Variants in KCNE1 observed in about 807,000 individuals in gnomAD.
KCNE1 encodes potassium voltage-gated channel subfamily E member 1.
Under a neutral mutation model 2.9 loss-of-function variants are expected in KCNE1, and 1 was observed. The observed-to-expected ratio is 0.34, with a 90% CI of 0.12 to 1.62. The LOEUF is 1.62. Ranked by LOEUF, KCNE1 falls within the 40% of genes most tolerant of loss-of-function variation. KCNE1 has a pLI of 0.36. For synonymous variants in KCNE1, 23 were observed against 65.4 expected (o/e 0.35, Z 3.13); for missense variants, 45 against 150.5 (o/e 0.30, Z 3.67).
intron 2 of KCNE1, among the ~76,000 whole-genome samples, chr21:34,508,065 G>A (rs907835308): frequency 2.0e-5 from 3 of 151,722 alleles, no homozygotes; most frequent in Non-Finnish European, 4.4e-5. Flanking sequence ...CTTGCTCTGT[G>A]GTCCACGCTG....
In KCNE1 at chr21:34,501,004, G is replaced by A. The variant is rs538191285; in HGVS notation, c.-162+10097C>T. 5.9e-5 allele frequency among the ~76,000 whole-genome samples: 9 copies of A among 152,318 alleles called. No individual in the cohort carries two copies. In the East Asian group the frequency reaches 1.7e-3, roughly 29 times the overall value. On this transcript the variant is annotated intron_variant, in intron 2 of 3. Coordinates refer to ENST00000399286, the MANE Select transcript of KCNE1 (RefSeq NM_000219.6). ...AGGAAGGTAAGACCTTTGGGGACAA[G>A]ACTCAAGACTCAGCCACTTTTGTCC...
chr21:34,511,037 G>C, intron 2 of KCNE1, 64 bp downstream of exon 2: 1 of 542,370 alleles, frequency 1.8e-6, no homozygotes, highest in Non-Finnish European at 2.4e-6. Flanking sequence ...GTCAGGGTGG[G>C]CATGAGGGTG....
At chr21:34,510,991 C>T (rs942861689) in intron 2 of KCNE1, 110 bp downstream of exon 2, 1 of 254,546 alleles carries the variant, frequency 3.9e-6, no homozygotes, top group African/African-American at 2.3e-5. Flanking sequence ...CAGCCTGGCA[C>T]CTGTCAATGG....
intron 2 of KCNE1, among the ~76,000 whole-genome samples, chr21:34,502,164 T>G (rs1601099469): frequency 1.3e-5 from 2 of 152,308 alleles, no homozygotes; most frequent in South Asian, 4.1e-4. Flanking sequence ...CAATCAACAT[T>G]AGCATCACCT....
At chr21:34,504,131 C>T (rs1420163933) in intron 2 of KCNE1, among the ~76,000 whole-genome samples, 1 of 152,194 alleles carries the variant, frequency 6.6e-6, no homozygotes, top group Admixed American at 6.5e-5. Context: ...TCAATGGGCA[C>T]AGGGCCTTCG....
In KCNE1 at chr21:34,448,659, CAGAGATCAGA is replaced by C. The variant is rs1980856190; in HGVS notation, c.*576_*585del. 2.5e-5 allele frequency: 1 copy of C among 39,574 alleles called. No individual in the cohort carries two copies. The highest frequency in any genetic ancestry group is 9.7e-5 in the African/African-American group (1 of 10,330). 2.5% of individuals were successfully genotyped at this position (39,574 alleles called of 1,614,324 possible). A position where few individuals can be genotyped will look rare whatever the true frequency, so the allele number is the denominator to read the frequency against. ...AAGGGCATTGATTCTGCGACCTTAA[CAGAGATCAGA>C]ATAACAGTGGCTTAAGGAAGAGTGG... On this transcript the variant is annotated 3_prime_UTR_variant, in exon 4 of 4. Transcript: ENST00000399286.
chr21:34,506,225 G>A (rs890482222), intron 2 of KCNE1, among the ~76,000 whole-genome samples: 2 of 152,154 alleles, frequency 1.3e-5, no homozygotes, highest in African/African-American at 4.8e-5. Flanking sequence ...AGATCCCACG[G>A]GGACAAGCTT....
At chr21:34,506,501 T>C (rs1983496474) in intron 2 of KCNE1, among the ~76,000 whole-genome samples, 2 of 152,058 alleles carry the variant, frequency 1.3e-5, no homozygotes, top group African/African-American at 4.8e-5. Context: ...TTCATGTGCG[T>C]CACCCACTTT....
chr21:34,506,787 G>A (rs1336460329), intron 2 of KCNE1, among the ~76,000 whole-genome samples: 3 of 152,218 alleles, frequency 2.0e-5, no homozygotes, highest in Non-Finnish European at 2.9e-5. Context: ...TGAGAGTTGT[G>A]CTGGGGAATG....
intron 2 of KCNE1, among the ~76,000 whole-genome samples, chr21:34,507,314 C>G (rs549010947): frequency 1.3e-5 from 2 of 152,164 alleles, no homozygotes; most frequent in East Asian, 3.9e-4. Context: ...ACAGGAGACA[C>G]CTTTTATGGC....
intron 2 of KCNE1, among the ~76,000 whole-genome samples, chr21:34,497,759 C>T (rs1982903280): frequency 6.6e-6 from 1 of 152,194 alleles, no homozygotes; most frequent in Admixed American, 6.5e-5. Context: ...CAATTGTTCC[C>T]TCAAATAAGT....
At chr21:34,496,274 C>T (rs548074888) in intron 2 of KCNE1, among the ~76,000 whole-genome samples, 12 of 152,154 alleles carry the variant, frequency 7.9e-5, no homozygotes, top group African/African-American at 2.7e-4. Context: ...AGGGTTTCAC[C>T]GTGTTAGCCA....
chr21:34,498,546 C>A (rs1054893097), intron 2 of KCNE1, among the ~76,000 whole-genome samples: 1 of 152,230 alleles, frequency 6.6e-6, no homozygotes, highest in Non-Finnish European at 1.5e-5. Flanking sequence ...AGTCCTGTGA[C>A]GTGATCCATT....
intron 1 of KCNE1, 22 bp from the exon 2 acceptor site, chr21:34,511,337 C>T (rs2123541636): frequency 3.0e-6 from 3 of 984,932 alleles, no homozygotes; most frequent in Non-Finnish European, 2.4e-6. Context: ...AAAAAGCCAG[C>T]TGGAAACTTA....
intron 2 of KCNE1, among the ~76,000 whole-genome samples, chr21:34,498,289 G>T (rs1028387423): frequency 6.6e-6 from 1 of 152,190 alleles, no homozygotes; most frequent in African/African-American, 2.4e-5. Context: ...TTAATTTTCA[G>T]ATTCCTTCTC....
At chr21:34,511,869 AG>A (rs951591772) in intron 1 of KCNE1, among the ~76,000 whole-genome samples, 157 bp downstream of exon 1, 26 of 152,304 alleles carry the variant, frequency 1.7e-4, no homozygotes, top group African/African-American at 6.0e-4. Flanking sequence ...GGAAGAAGTG[AG>A]GGGGGTTCAG....
intron 2 of KCNE1, among the ~76,000 whole-genome samples, chr21:34,500,628 T>C (rs1293718200): frequency 1.3e-5 from 2 of 152,250 alleles, no homozygotes; most frequent in African/African-American, 4.8e-5. Context: ...TGGTTAATCA[T>C]TTTTATTGGT....
chr21:34,503,820 T>C (rs1054066551), intron 2 of KCNE1, among the ~76,000 whole-genome samples: 5 of 152,226 alleles, frequency 3.3e-5, no homozygotes, highest in Admixed American at 1.3e-4. Context: ...AGTAGATTCT[T>C]ATGAAAGGTA....
intron 2 of KCNE1, among the ~76,000 whole-genome samples, chr21:34,506,565 G>A (rs1052301744): frequency 1.8e-4 from 27 of 152,170 alleles, no homozygotes; most frequent in African/African-American, 6.0e-4. Flanking sequence ...ACAGTGCCAG[G>A]CTTAGCACTG....
Sources: allele counts gnomAD v4.1 joint callset (sites outside exome capture counted in the v4.1 genomes callset), GRCh38; gene constraint gnomAD v4.1.1; transcripts MANE v1.5; gene names NCBI Gene and HGNC (gene_info 2026-07-23, HGNC 2026-07-21).